Variants in SEMA3C observed in about 807,000 individuals in gnomAD.
SEMA3C encodes semaphorin-3C.
SEMA3C carries 47 observed loss-of-function variants against 89.4 expected under a neutral mutation model. That is an observed-to-expected ratio of 0.53 (90% CI 0.42 to 0.67). SEMA3C has a LOEUF of 0.67. Ranked by LOEUF, SEMA3C falls within the 30% of genes least tolerant of loss-of-function variation. The pLI is 0.00. For missense variants in SEMA3C, 839 were observed against 929.1 expected (o/e 0.90, Z 1.26); for synonymous variants, 310 against 320.2 (o/e 0.97, Z 0.34).
At chr7:80,788,798 A>G (rs1235695317) in intron 12 of SEMA3C, among the ~76,000 whole-genome samples, 2 of 152,152 alleles carry the variant, frequency 1.3e-5, no homozygotes, top group Non-Finnish European at 2.9e-5. Context: ...GGCTTCATGT[A>G]TTGATTAAGA....
At chr7:80,915,688 G>T (rs1448964536) in intron 2 of SEMA3C, 1 of 148,032 alleles carries the variant, frequency 6.8e-6, no homozygotes, top group Non-Finnish European at 1.5e-5. Flanking sequence ...ACTGCAGTGA[G>T]CCGAGATCGT....
chr7:80,913,270 G>A (rs776854800), intron 2 of SEMA3C, among the ~76,000 whole-genome samples: 12 of 151,960 alleles, frequency 7.9e-5, no homozygotes, highest in Non-Finnish European at 1.6e-4. Flanking sequence ...GCATGGTGTC[G>A]CACACCTGTA....
intron 2 of SEMA3C, among the ~76,000 whole-genome samples, chr7:80,873,106 T>C (rs1791110364): frequency 6.6e-6 from 1 of 151,880 alleles, no homozygotes; most frequent in South Asian, 2.1e-4. Flanking sequence ...CTAAGCTGAG[T>C]TCAGAAGAGT....
At chr7:80,874,061 T>C (rs902236752) in intron 2 of SEMA3C, among the ~76,000 whole-genome samples, 23 of 152,188 alleles carry the variant, frequency 1.5e-4, no homozygotes, top group South Asian at 2.1e-4. Context: ...ACCCCAAGTG[T>C]TCCTGGCCTG....
chr7:80,754,370 T>C (rs541187211), intron 15 of SEMA3C, among the ~76,000 whole-genome samples: 1 of 152,308 alleles, frequency 6.6e-6, no homozygotes, highest in South Asian at 2.1e-4. Flanking sequence ...AAGAAAATAG[T>C]TTTTTGCTTT....
intron 8 of SEMA3C, 37 bp downstream of exon 8, chr7:80,804,069 T>G: frequency 6.5e-7 from 1 of 1,543,940 alleles, no homozygotes; most frequent in Non-Finnish European, 8.8e-7. Context: ...TTGAATTTCT[T>G]GGTCTTTCTT....
upstream of SEMA3C, chr7:80,922,119 T>G: frequency 2.2e-6 from 1 of 456,312 alleles, no homozygotes; most frequent in Non-Finnish European, 3.7e-6. Context: ...ATAGCATTCT[T>G]TAATGAAGTT....
chr7:80,767,924 T>TA (rs1162351514), intron 12 of SEMA3C, among the ~76,000 whole-genome samples: 3 of 152,076 alleles, frequency 2.0e-5, no homozygotes, highest in African/African-American at 4.8e-5. Flanking sequence ...TAATTCTTAA[T>TA]AAAAAATAAA....
chr7:80,820,477 T>A lies in SEMA3C; in HGVS notation c.328-2059A>T, dbSNP rs965585033. Among the ~76,000 whole-genome samples the A allele has an allele frequency of 9.2e-5, 14 of 152,068 alleles. 1 individual carries two copies. In the Middle Eastern group the frequency reaches 0.01, roughly 111 times the overall value. On this transcript the variant is annotated intron_variant, in intron 4 of 17. Transcript: ENST00000265361. Reference sequence around the variant, plus strand: ...CAATATTATTTTACATTTTCCATCATTTTTTCCTTTTATATTCATTATTAC... The same window carrying A: ...CAATATTATTTTACATTTTCCATCAATTTTTCCTTTTATATTCATTATTAC...
At chr7:80,745,541 A>G (rs1489295661) in intron 17 of SEMA3C, among the ~76,000 whole-genome samples, 2 of 151,716 alleles carry the variant, frequency 1.3e-5, no homozygotes, top group African/African-American at 4.8e-5. Flanking sequence ...GAGGGTGAAG[A>G]TATTATCCAT....
intron 8 of SEMA3C, among the ~76,000 whole-genome samples, chr7:80,803,024 A>G (rs1295470143): frequency 1.3e-5 from 2 of 152,196 alleles, no homozygotes; most frequent in Non-Finnish European, 2.9e-5. Context: ...AATGTGTGAC[A>G]TAATTATTTC....
chr7:80,875,046 T>C (rs574176128), intron 2 of SEMA3C, among the ~76,000 whole-genome samples: 2 of 151,460 alleles, frequency 1.3e-5, no homozygotes, highest in Admixed American at 1.3e-4. Flanking sequence ...ATCACGCCAC[T>C]GTACTCCAGC....
In SEMA3C at chr7:80,913,897, C is replaced by T. The variant is rs145872087; in HGVS notation, c.103+2782G>A. ...ATGGGAGAAGAGACTCATTGCTCTACACACCTTGAAATTGCCTATGATGCT... is the reference window on the plus strand; with the variant it reads ...ATGGGAGAAGAGACTCATTGCTCTATACACCTTGAAATTGCCTATGATGCT... On this transcript the variant is annotated intron_variant, in intron 2 of 17. Transcript: ENST00000265361. Among the ~76,000 whole-genome samples the T allele has an allele frequency of 1.5e-3, 223 of 152,260 alleles. 1 individual carries two copies. In the East Asian group the frequency reaches 0.021, roughly 14 times the overall value.
chr7:80,765,021 T>C (rs1312826447), intron 13 of SEMA3C, 134 bp downstream of exon 13: 13 of 580,014 alleles, frequency 2.2e-5, no homozygotes, highest in Non-Finnish European at 3.3e-5. Flanking sequence ...ATCTGGTGTT[T>C]TCCTACCCTC....
At chr7:80,757,039 AT>A (rs1788081735) in intron 15 of SEMA3C, among the ~76,000 whole-genome samples, 2 of 152,184 alleles carry the variant, frequency 1.3e-5, no homozygotes, top group Non-Finnish European at 2.9e-5. Context: ...TGCCTGGAAA[AT>A]ATATTTCCAG....
At chr7:80,781,281 C>T (rs1788684624) in intron 12 of SEMA3C, among the ~76,000 whole-genome samples, 2 of 152,174 alleles carry the variant, frequency 1.3e-5, no homozygotes, top group Admixed American at 6.5e-5. Context: ...GTCCCCAGTT[C>T]CAGAGATTAG....
intron 2 of SEMA3C, among the ~76,000 whole-genome samples, chr7:80,837,645 C>T (rs955700638): frequency 6.6e-6 from 1 of 152,166 alleles, no homozygotes. Context: ...GACCTTTGTA[C>T]ATGTTGTTCC....
At chr7:80,870,974 T>C (rs2116046000) in intron 2 of SEMA3C, among the ~76,000 whole-genome samples, 1 of 152,198 alleles carries the variant, frequency 6.6e-6, no homozygotes, top group East Asian at 1.9e-4. Flanking sequence ...GTTTAGACCT[T>C]AATACTGGCC....
chr7:80,801,927 A>T (rs1789218650), intron 9 of SEMA3C, among the ~76,000 whole-genome samples: 1 of 152,024 alleles, frequency 6.6e-6, no homozygotes, highest in African/African-American at 2.4e-5. Context: ...GAATCAGTAA[A>T]TTTTTTCCAC....
Sources: allele counts gnomAD v4.1 joint callset (sites outside exome capture counted in the v4.1 genomes callset), GRCh38; gene constraint gnomAD v4.1.1; transcripts MANE v1.5; gene names NCBI Gene and HGNC (gene_info 2026-07-23, HGNC 2026-07-21).